The following NCEH1 variants were observed in gnomAD, a reference collection of about 807,000 sequenced individuals.
The protein encoded by NCEH1 is 2-acetyl MAGE hydrolase.
A neutral mutation model predicts 25.4 loss-of-function variants in NCEH1; 9 were observed. The ratio of observed to expected loss-of-function variants is 0.35; its 90% confidence interval spans 0.21 to 0.62. The LOEUF is 0.62. Among genes scored for constraint, NCEH1 ranks in the 20% least tolerant of loss-of-function variants. NCEH1 has a pLI of 0.72. For synonymous variants in NCEH1, 200 were observed against 199.8 expected, an observed-to-expected ratio of 1.00 and a Z score of -0.01; for missense variants, 412 against 501.1, an observed-to-expected ratio of 0.82 and a Z score of 1.70.
At chr3:172,690,635 G>A (rs1357061281) in intron 1 of NCEH1, among the ~76,000 whole-genome samples, 2 of 152,130 alleles carry the variant, frequency 1.3e-5, no homozygotes, top group African/African-American at 4.8e-5. Flanking sequence ...ATTATTTATG[G>A]TGGCAAGTAA....
intron 1 of NCEH1, among the ~76,000 whole-genome samples, chr3:172,676,318 G>A (rs1250192716): frequency 6.6e-6 from 1 of 152,148 alleles, no homozygotes; most frequent in African/African-American, 2.4e-5. Context: ...CCGCCCGTTA[G>A]AAATGGTCCA....
In NCEH1 at chr3:172,710,882, G is replaced by A. The variant is rs1309458305; in HGVS notation, c.103C>T (p.Leu35=). ...GSVSDPWKLM[L]LDATFRGAQQ... is the part of the protein sequence containing the mutation. ...GCACCCCGGAAAGTGGCGTCCAGCA[G>A]CATCAGCTTCCAGGGGTCGGACACG... The change falls in exon 1 of 5, where the codon CTG becomes TTG. Residue 35 remains leucine, a synonymous_variant. Coordinates refer to ENST00000475381, the MANE Select transcript of NCEH1 (RefSeq NM_020792.6). The A allele has an allele frequency of 6.2e-7, 1 of 1,614,154 alleles. No homozygotes were observed. Among genetic ancestry groups the A allele is most frequent in the East Asian group, 2.2e-5 (1 of 44,894 alleles).
intron 3 of NCEH1, among the ~76,000 whole-genome samples, chr3:172,644,284 G>A (rs1391934818): frequency 7.2e-6 from 1 of 139,440 alleles, no homozygotes; most frequent in Admixed American, 7.7e-5. Context: ...TCTGTCAACA[G>A]GGTCAGAACT....
At chr3:172,647,806 C>T in intron 2 of NCEH1, 80 bp downstream of exon 2, 1 of 1,568,298 alleles carries the variant, frequency 6.4e-7, no homozygotes, top group Non-Finnish European at 8.7e-7. Flanking sequence ...TTCTTTCCCA[C>T]TAAGAAAGCC....
At chr3:172,675,865 C>T (rs1360297016) in intron 1 of NCEH1, among the ~76,000 whole-genome samples, 2 of 152,166 alleles carry the variant, frequency 1.3e-5, no homozygotes, top group African/African-American at 2.4e-5. Context: ...TACAGGACCC[C>T]CACTGATGGT....
At chr3:172,698,437 A>G (rs1402289895) in intron 1 of NCEH1, among the ~76,000 whole-genome samples, 1 of 152,212 alleles carries the variant, frequency 6.6e-6, no homozygotes, top group African/African-American at 2.4e-5. Context: ...TGATGCATAT[A>G]CCAGAAACAG....
intron 1 of NCEH1, among the ~76,000 whole-genome samples, chr3:172,675,128 G>A (rs910539268): frequency 6.6e-6 from 1 of 152,106 alleles, no homozygotes; most frequent in African/African-American, 2.4e-5. Flanking sequence ...TGGCCAACAT[G>A]GTGAAACCCC....
At chr3:172,660,410 A>C (rs1717919532) in intron 1 of NCEH1, among the ~76,000 whole-genome samples, 1 of 152,052 alleles carries the variant, frequency 6.6e-6, no homozygotes. Flanking sequence ...AGTCTTTGCT[A>C]TTGTGAATAG....
chr3:172,657,652 A>G (rs1717761402), intron 1 of NCEH1, among the ~76,000 whole-genome samples: 1 of 152,164 alleles, frequency 6.6e-6, no homozygotes, highest in Non-Finnish European at 1.5e-5. Flanking sequence ...TCTACCCTGA[A>G]AGGCTGATCA....
At chr3:172,671,841 TC>T (rs1170262146) in intron 1 of NCEH1, among the ~76,000 whole-genome samples, 2 of 152,224 alleles carry the variant, frequency 1.3e-5, no homozygotes, top group African/African-American at 4.8e-5. Flanking sequence ...TGAGGGTGGT[TC>T]CATAGATTAT....
At chr3:172,682,610 C>G (rs981255433) in intron 1 of NCEH1, among the ~76,000 whole-genome samples, 10 of 152,164 alleles carry the variant, frequency 6.6e-5, no homozygotes, top group African/African-American at 2.4e-4. Flanking sequence ...CAGGCCTCCC[C>G]ACTGCAGAAC....
At chr3:172,704,153 A>C (rs1713849063) in intron 1 of NCEH1, among the ~76,000 whole-genome samples, 1 of 152,196 alleles carries the variant, frequency 6.6e-6, no homozygotes, top group Non-Finnish European at 1.5e-5. Flanking sequence ...CATTTAAACC[A>C]CACCCACACA....
intron 1 of NCEH1, among the ~76,000 whole-genome samples, chr3:172,653,744 G>GTTTTTTT (rs796835886): frequency 1.8e-4 from 17 of 95,616 alleles, no homozygotes; most frequent in South Asian, 4.0e-4. Context: ...TGTTTTTTTT[G>GTTTTTTT]TTTTTTTGTT....
At chr3:172,664,129 C>T (rs1486883189) in intron 1 of NCEH1, among the ~76,000 whole-genome samples, 1 of 152,182 alleles carries the variant, frequency 6.6e-6, no homozygotes, top group Non-Finnish European at 1.5e-5. Flanking sequence ...GTGCTTCCTT[C>T]AGGAGCTCTT....
chr3:172,694,982 GTTCGTC>G (rs3832248), intron 1 of NCEH1, among the ~76,000 whole-genome samples: 2,148 of 152,228 alleles, frequency 0.014, 30 homozygotes, highest in South Asian at 0.066. Context: ...ACCAAGTGCT[GTTCGTC>G]TTGTGAATTG....
chr3:172,642,759 CTT>C (rs1314735948), intron 3 of NCEH1, among the ~76,000 whole-genome samples: 1 of 152,096 alleles, frequency 6.6e-6, no homozygotes, highest in Non-Finnish European at 1.5e-5. Context: ...CTGAACTCCT[CTT>C]ATATCAATTG....
At chr3:172,668,006 C>T (rs2108510602) in intron 1 of NCEH1, among the ~76,000 whole-genome samples, 4 of 152,296 alleles carry the variant, frequency 2.6e-5, no homozygotes, top group Middle Eastern at 6.8e-3. Context: ...CATAACAAAA[C>T]CTTAGGCAAA....
chr3:172,682,957 C>CA (rs1256837706), intron 1 of NCEH1, among the ~76,000 whole-genome samples: 2 of 152,218 alleles, frequency 1.3e-5, no homozygotes, highest in African/African-American at 2.4e-5. Flanking sequence ...ACTTGAAGAA[C>CA]AAGTGTGTGC....
chr3:172,673,678 A>G (rs369232526), intron 1 of NCEH1, among the ~76,000 whole-genome samples: 4 of 152,332 alleles, frequency 2.6e-5, no homozygotes, highest in African/African-American at 9.6e-5. Flanking sequence ...CAGATAAGGT[A>G]GCAGAAGGAA....
Sources: gnomAD v4.1 joint callset for allele counts (sites outside exome capture counted in the v4.1 genomes callset) on GRCh38, gnomAD v4.1.1 for gene constraint, MANE v1.5 for transcripts, NCBI Gene and HGNC (gene_info 2026-07-23, HGNC 2026-07-21) for gene names.